The following ZMYND11 variants were observed in gnomAD, a reference collection of about 807,000 sequenced individuals.
ZMYND11 encodes the protein zinc finger MYND domain-containing protein 11.
A neutral mutation model predicts 84.9 loss-of-function variants in ZMYND11; 9 were observed. That is an observed-to-expected ratio of 0.11 (90% CI 0.06 to 0.18). ZMYND11 has a LOEUF of 0.18. Ranked by LOEUF, ZMYND11 falls within the 10% of genes least tolerant of loss-of-function variation. ZMYND11 has a pLI of 1.00. For synonymous variants in ZMYND11, 250 were observed against 244.1 expected, an observed-to-expected ratio of 1.02 and a Z score of -0.23; for missense variants, 409 against 761.0, an observed-to-expected ratio of 0.54 and a Z score of 5.44.
intron 2 of ZMYND11, among the ~76,000 whole-genome samples, chr10:189,892 A>G (rs1393582370): frequency 3.3e-5 from 5 of 152,200 alleles, no homozygotes; most frequent in Admixed American, 6.5e-5. Context: ...TGAAGGGTAC[A>G]GAAATAGTCA....
Position 248,389 on chromosome 10 carries a change from G to T in ZMYND11, c.1281G>T (p.Met427Ile). The T allele has an allele frequency of 6.2e-7, 1 of 1,614,158 alleles. No homozygotes were observed. Among genetic ancestry groups the T allele is most frequent in the African/African-American group, 1.3e-5 (1 of 75,040 alleles). Reference sequence around the variant, plus strand: ...GTTCTAGCCAGGAAATACCCACGATGCCTCAGCCCATCGAAAAAGTCTCCG... The same window carrying T: ...GTTCTAGCCAGGAAATACCCACGATTCCTCAGCCCATCGAAAAAGTCTCCG... ...AVSSSQEIPT[M>I]PQPIEKVSVS... Residue 427 changes from methionine (M) to isoleucine (I), a missense_variant, in exon 13 of 15, where the codon ATG becomes ATT. Physicochemically the swap from Met to Ile is conservative, Grantham distance 10. Around this residue, in one of 7 missense-constraint regions of ZMYND11, gnomAD observed 141 missense variants for 173.8 expected, o/e 0.81. Coordinates refer to ENST00000381604, the MANE Select transcript of ZMYND11 (RefSeq NM_001370100.5).
intron 1 of ZMYND11, chr10:147,708 C>G (rs1839236742): frequency 6.6e-6 from 1 of 150,748 alleles, no homozygotes; most frequent in Non-Finnish European, 1.5e-5. Context: ...CTCAAACACG[C>G]TACTGTATTG....
intron 4 of ZMYND11, among the ~76,000 whole-genome samples, chr10:225,138 A>T (rs1947879094): frequency 6.6e-6 from 1 of 152,238 alleles, no homozygotes. Context: ...ATATACATTT[A>T]TGTAATTCTG....
chr10:174,365 T>G (rs1846068265), intron 1 of ZMYND11, among the ~76,000 whole-genome samples: 1 of 152,184 alleles, frequency 6.6e-6, no homozygotes, highest in African/African-American at 2.4e-5. Flanking sequence ...GAGACAGTAG[T>G]AAAAAGACCA....
chr10:137,858 A>G (rs931174492), intron 1 of ZMYND11, among the ~76,000 whole-genome samples: 2 of 152,150 alleles, frequency 1.3e-5, no homozygotes, highest in East Asian at 1.9e-4. Context: ...GAATCAAAAT[A>G]TTTGTCTTGC....
intron 4 of ZMYND11, among the ~76,000 whole-genome samples, chr10:232,955 C>G (rs1949257636): frequency 1.3e-5 from 2 of 152,192 alleles, no homozygotes. Context: ...CTCAAGATCC[C>G]TTTAAAAGAG....
intron 2 of ZMYND11, among the ~76,000 whole-genome samples, chr10:188,336 C>T (rs936024324): frequency 8.6e-5 from 13 of 151,800 alleles, no homozygotes; most frequent in African/African-American, 2.7e-4. Flanking sequence ...CCTGTAATCC[C>T]GGCACTTTGG....
chr10:229,277 G>T (rs953329564), intron 4 of ZMYND11, among the ~76,000 whole-genome samples: 1 of 152,194 alleles, frequency 6.6e-6, no homozygotes, highest in Non-Finnish European at 1.5e-5. Context: ...TGACTAAGGA[G>T]TGGCCTGTGA....
chr10:237,914 G>A (rs1291313992), intron 6 of ZMYND11, among the ~76,000 whole-genome samples: 1 of 152,120 alleles, frequency 6.6e-6, no homozygotes, highest in Non-Finnish European at 1.5e-5. Context: ...TGGTTTTAAA[G>A]ATGAGCAGCT....
intron 2 of ZMYND11, among the ~76,000 whole-genome samples, chr10:183,298 T>A (rs1439434818): frequency 6.6e-6 from 1 of 151,974 alleles, no homozygotes; most frequent in African/African-American, 2.4e-5. Flanking sequence ...CGGCTTTTGC[T>A]GATTGCATCC....
chr10:248,700 C>T (rs926829275), intron 13 of ZMYND11, 92 bp downstream of exon 13: 118 of 1,459,140 alleles, frequency 8.1e-5, no homozygotes, highest in Middle Eastern at 3.8e-4. Context: ...CCAGTAGCAG[C>T]TTTTACATGT....
chr10:198,538 C>T (rs1344238371), intron 2 of ZMYND11, among the ~76,000 whole-genome samples: 1 of 151,880 alleles, frequency 6.6e-6, no homozygotes, highest in Non-Finnish European at 1.5e-5. Flanking sequence ...AATTAAGACT[C>T]AACAGTTTTG....
intron 2 of ZMYND11, among the ~76,000 whole-genome samples, chr10:193,815 GA>G (rs1432127540): frequency 6.6e-6 from 1 of 152,100 alleles, no homozygotes; most frequent in Non-Finnish European, 1.5e-5. Context: ...AATTTTATTT[GA>G]ATGGAAACAT....
In ZMYND11 at chr10:135,934, C is replaced by T. The variant is rs1199539424; in HGVS notation, c.-20+375C>T. Among the ~76,000 whole-genome samples the T allele has an allele frequency of 1.3e-5, 2 of 151,636 alleles. No individual in the cohort carries two copies. Among genetic ancestry groups the T allele is most frequent in the African/African-American group, 4.8e-5 (2 of 41,348 alleles). On this transcript the variant is annotated intron_variant, in intron 1 of 14. Transcript: ENST00000381604. This position sits in a 1 kb window ranked among gnomAD's most constrained non-coding sequence, Gnocchi z 5.6. ...CCCGCCGGGCCCTGTGCCCCGCTTT[C>T]GGTCAGGCCTCCTGGGCCCGTGCGC...
chr10:219,641 A>C (rs1192495776), intron 3 of ZMYND11, among the ~76,000 whole-genome samples: 1 of 152,190 alleles, frequency 6.6e-6, no homozygotes, highest in Non-Finnish European at 1.5e-5. Context: ...AATACAGCCA[A>C]GCGCCACACA....
At chr10:250,490 GTC>G (rs1564471112) in intron 14 of ZMYND11, among the ~76,000 whole-genome samples, 1 of 150,664 alleles carries the variant, frequency 6.6e-6, no homozygotes. Context: ...GCAAGACCCT[GTC>G]TCTTAAAAAA....
intron 1 of ZMYND11, among the ~76,000 whole-genome samples, chr10:138,178 C>T (rs1253498084): frequency 1.5e-5 from 2 of 136,636 alleles, no homozygotes; most frequent in Non-Finnish European, 3.1e-5. Flanking sequence ...GGTGTGATCT[C>T]GGCTTACTGC....
chr10:192,623 G>C (rs540715711), intron 2 of ZMYND11, among the ~76,000 whole-genome samples: 1 of 152,198 alleles, frequency 6.6e-6, no homozygotes, highest in Non-Finnish European at 1.5e-5. Context: ...ATGCACACAG[G>C]TGCCTAATCT....
At chr10:156,848 A>G (rs182139485) in intron 1 of ZMYND11, among the ~76,000 whole-genome samples, 1 of 152,336 alleles carries the variant, frequency 6.6e-6, no homozygotes, top group Non-Finnish European at 1.5e-5. Flanking sequence ...AAAAATACAA[A>G]CAAAAAATAC....
Sources: gnomAD v4.1 joint callset for allele counts (sites outside exome capture counted in the v4.1 genomes callset) on GRCh38, gnomAD v4.1.1 for gene constraint, gnomAD v4.1.1 regional missense constraint, Gnocchi (gnomAD v3.1) non-coding constraint, MANE v1.5 for transcripts, NCBI Gene and HGNC (gene_info 2026-07-23, HGNC 2026-07-21) for gene names.